The following ZNF148 variants were observed in gnomAD, a reference collection of about 807,000 sequenced individuals.
ZNF148 encodes the protein Beta-Enolase Repressor Factor-1.
In ZNF148, 7 loss-of-function variants were observed where a neutral mutation model predicts 67.7. The observed-to-expected ratio is 0.10, with a 90% CI of 0.06 to 0.19. ZNF148 has a LOEUF of 0.19. Among genes scored for constraint, ZNF148 ranks in the 10% least tolerant of loss-of-function variants. ZNF148 has a pLI of 1.00. For missense variants in ZNF148, 583 were observed against 947.1 expected (o/e 0.62, Z 5.05); for synonymous variants, 333 against 330.7 (o/e 1.01, Z -0.08).
chr3:125,255,508 A>G (rs1937036397), intron 7 of ZNF148, among the ~76,000 whole-genome samples: 1 of 151,982 alleles, frequency 6.6e-6, no homozygotes, highest in Non-Finnish European at 1.5e-5. Flanking sequence ...CCACCTCACA[A>G]AGTGCTGGGA....
intron 3 of ZNF148, among the ~76,000 whole-genome samples, chr3:125,322,622 T>G (rs1940834962): frequency 6.6e-6 from 1 of 152,128 alleles, no homozygotes; most frequent in African/African-American, 2.4e-5. Flanking sequence ...ATACAGAAAC[T>G]GCATAGAAGA....
intron 2 of ZNF148, among the ~76,000 whole-genome samples, chr3:125,330,190 C>T (rs182443791): frequency 6.6e-5 from 10 of 152,276 alleles, no homozygotes; most frequent in African/African-American, 1.7e-4. Context: ...TCAGGCTGAG[C>T]GCAGTGGCTC....
intron 1 of ZNF148, among the ~76,000 whole-genome samples, chr3:125,340,783 G>A (rs1300078017): frequency 1.3e-5 from 2 of 151,752 alleles, no homozygotes; most frequent in East Asian, 1.9e-4. Context: ...TCAGGAGATC[G>A]AGACCATCCC....
rs542805355 is a variant in ZNF148, at chr3:125,263,138, A to G, written c.667+14588T>C. Among the ~76,000 whole-genome samples, 6 of 152,386 alleles carry G rather than the reference A, an allele frequency of 3.9e-5. No individual in the cohort carries two copies. In the South Asian group the frequency reaches 1.0e-3, roughly 26 times the overall value. ...CATTCCATTCATCCATTTAAAGTGT[A>G]TAATTCCATTTTGAAACTATTCTTG... On this transcript the variant is annotated intron_variant, in intron 7 of 8. Transcript: ENST00000360647.
chr3:125,237,290 G>A (rs1419861401), intron 7 of ZNF148, among the ~76,000 whole-genome samples: 1 of 152,156 alleles, frequency 6.6e-6, no homozygotes, highest in African/African-American at 2.4e-5. Context: ...TTTTGAAATA[G>A]AGCTGGTAAA....
chr3:125,346,473 A>G (rs1037267190), intron 1 of ZNF148, among the ~76,000 whole-genome samples: 27 of 152,320 alleles, frequency 1.8e-4, no homozygotes, highest in African/African-American at 6.5e-4. Context: ...AAGGTAAATG[A>G]TATGATTTGG....
intron 7 of ZNF148, among the ~76,000 whole-genome samples, chr3:125,259,103 A>G (rs1937222975): frequency 6.6e-6 from 1 of 152,194 alleles, no homozygotes; most frequent in Non-Finnish European, 1.5e-5. Context: ...AATTTGAAAA[A>G]CAATCTATGG....
At chr3:125,374,445 CCT>C (rs1460537060) in intron 1 of ZNF148, among the ~76,000 whole-genome samples, 1 of 152,096 alleles carries the variant, frequency 6.6e-6, no homozygotes, top group Non-Finnish European at 1.5e-5. Context: ...TCTTTCCTTC[CCT>C]GAGAAACGCT....
At position 125,226,871 on chromosome 3, in the gene ZNF148, C is replaced by A. The variant is rs1935659429; in HGVS notation, c.*5470G>T. On this transcript the variant is annotated 3_prime_UTR_variant, in exon 9 of 9. Transcript: ENST00000360647. ...TTATATTTAAAAATATCACAAATCT[C>A]TTTTTATTTAACACTGAAAATTTCA... 6.6e-6 allele frequency: 1 copy of A among 152,132 alleles called. No individual in the cohort carries two copies. The highest frequency in any genetic ancestry group is 1.5e-5 in the Non-Finnish European group (1 of 68,000). 9.4% of individuals were successfully genotyped at this position (152,132 alleles called of 1,614,324 possible).
chr3:125,361,554 G>A (rs528463823), intron 1 of ZNF148, among the ~76,000 whole-genome samples: 3 of 152,194 alleles, frequency 2.0e-5, no homozygotes, highest in East Asian at 1.9e-4. Flanking sequence ...GTGCTAGGCC[G>A]GGTGTGGTGG....
rs867303297 is a variant in ZNF148, at chr3:125,296,258, A to T, written c.334-8030T>A. ...TGCCTCAGCCTTTGGAGTAGCTGGG[A>T]CTACAGACATGTACCACCACGCCCA... is the stretch of plus-strand genomic sequence containing the variant. On this transcript the variant is annotated intron_variant, in intron 4 of 8. Coordinates refer to ENST00000360647, the MANE Select transcript of ZNF148 (RefSeq NM_021964.3). Among the ~76,000 whole-genome samples the T allele has an allele frequency of 4.6e-5, 7 of 152,124 alleles. No homozygotes were observed. In the South Asian group the frequency reaches 1.5e-3, roughly 32 times the overall value.
At chr3:125,269,547 G>A (rs1203745807) in intron 7 of ZNF148, among the ~76,000 whole-genome samples, 1 of 151,836 alleles carries the variant, frequency 6.6e-6, no homozygotes, top group African/African-American at 2.4e-5. Flanking sequence ...AAAACAGTCT[G>A]GAGATTTCTC....
chr3:125,304,891 C>T (rs1278468612), intron 4 of ZNF148, among the ~76,000 whole-genome samples: 1 of 151,966 alleles, frequency 6.6e-6, no homozygotes, highest in African/African-American at 2.4e-5. Flanking sequence ...AGAACTAAAG[C>T]AGAAAAAGGA....
chr3:125,255,466 C>T (rs772873078), intron 7 of ZNF148, among the ~76,000 whole-genome samples: 6 of 151,862 alleles, frequency 4.0e-5, no homozygotes, highest in Non-Finnish European at 8.8e-5. Context: ...AGGCTGGTCT[C>T]GAACTCCTGA....
At chr3:125,258,374 G>GGGAGGC (rs1937189143) in intron 7 of ZNF148, among the ~76,000 whole-genome samples, 2 of 129,810 alleles carry the variant, frequency 1.5e-5, no homozygotes, top group Non-Finnish European at 3.1e-5. Context: ...GCAGTGAGCC[G>GGGAGGC]AGATTGCGCC....
At chr3:125,287,348 A>G (rs1938716457) in intron 5 of ZNF148, among the ~76,000 whole-genome samples, 1 of 152,178 alleles carries the variant, frequency 6.6e-6, no homozygotes, top group Non-Finnish European at 1.5e-5. Flanking sequence ...TACTAAAGAG[A>G]AAAAAACAGG....
chr3:125,358,869 A>G (rs557905278), intron 1 of ZNF148, among the ~76,000 whole-genome samples: 1 of 152,194 alleles, frequency 6.6e-6, no homozygotes, highest in Non-Finnish European at 1.5e-5. Flanking sequence ...AAACTTCTCC[A>G]TGCCACCCTA....
intron 1 of ZNF148, among the ~76,000 whole-genome samples, chr3:125,362,562 GT>G (rs35695528): frequency 5.4e-5 from 8 of 147,276 alleles, no homozygotes; most frequent in Non-Finnish European, 7.5e-5. Context: ...TTTTGTTTTT[GT>G]TTTTTTTTTG....
intron 4 of ZNF148, among the ~76,000 whole-genome samples, chr3:125,288,467 A>G (rs941598988): frequency 6.6e-6 from 1 of 151,828 alleles, no homozygotes; most frequent in Non-Finnish European, 1.5e-5. Context: ...CTACCTGAGA[A>G]AAAAGATCAA....
Sources: gnomAD v4.1 joint callset for allele counts (sites outside exome capture counted in the v4.1 genomes callset) on GRCh38, gnomAD v4.1.1 for gene constraint, MANE v1.5 for transcripts, NCBI Gene and HGNC (gene_info 2026-07-23, HGNC 2026-07-21) for gene names.